Variants in MEIKIN observed in about 807,000 individuals in gnomAD.
MEIKIN encodes meiotic kinetochore factor.
chr5:131,837,335 C>G (rs975388711), intron 11 of MEIKIN, among the ~76,000 whole-genome samples: 1 of 152,112 alleles, frequency 6.6e-6, no homozygotes, highest in African/African-American at 2.4e-5. Flanking sequence ...ACTGCCTTGG[C>G]TATTCAGGAT....
rs1443011081 is a variant in MEIKIN, at chr5:131,849,432, TAAAG to T, written c.975+1828_975+1831del. On this transcript the variant is annotated intron_variant, in intron 11 of 12. Transcript: ENST00000442687. ...AAGAAACCTCTTTTCTTTATATATA[TAAAG>T]AAACCTCTTTTCTTTATATATATAA... Among the ~76,000 whole-genome samples the T allele has an allele frequency of 2.2e-3, 188 of 85,204 alleles. 82 individuals are homozygous for T. The highest frequency in any genetic ancestry group is 7.0e-3 in the African/African-American group (157 of 22,290). 55.9% of individuals were successfully genotyped at this position (85,204 alleles called of 152,430 possible). A position where few individuals can be genotyped will look rare whatever the true frequency, so the allele number is the denominator to read the frequency against.
intron 7 of MEIKIN, among the ~76,000 whole-genome samples, chr5:131,914,153 G>A (rs1248963841): frequency 6.6e-6 from 1 of 152,142 alleles, no homozygotes. Context: ...TCTGCAGAGA[G>A]TCCCCATCAG....
At chr5:131,919,323 T>C (rs1336266337) in intron 6 of MEIKIN, among the ~76,000 whole-genome samples, 1 of 152,140 alleles carries the variant, frequency 6.6e-6, no homozygotes, top group Non-Finnish European at 1.5e-5. Flanking sequence ...TTTGGCAATA[T>C]CCAATAAAAT....
intron 10 of MEIKIN, among the ~76,000 whole-genome samples, chr5:131,852,192 T>C (rs1489842342): frequency 1.3e-5 from 2 of 152,114 alleles, no homozygotes; most frequent in Non-Finnish European, 2.9e-5. Flanking sequence ...AGGGACCCGG[T>C]GTGAGGTGAT....
chr5:131,829,286 G>T lies in MEIKIN; in HGVS notation c.976-10423C>A, dbSNP rs542366455. Among the ~76,000 whole-genome samples the T allele has an allele frequency of 1.4e-4, 21 of 152,268 alleles. 1 individual carries two copies. Among genetic ancestry groups the T allele is most frequent in the Middle Eastern group, 6.8e-3 (2 of 294 alleles). ...ATGAAATAAAAACATTTTCAGTCAT[G>T]AAAAGTCTCAAACAATTTCTATAAC... On this transcript the variant is annotated intron_variant, in intron 11 of 12. Transcript: ENST00000442687.
chr5:131,893,218 T>C (rs967087872), intron 8 of MEIKIN, among the ~76,000 whole-genome samples: 2 of 152,204 alleles, frequency 1.3e-5, no homozygotes, highest in Non-Finnish European at 2.9e-5. Flanking sequence ...GCAGGCCTCC[T>C]TGAGCTGTGG....
intron 8 of MEIKIN, among the ~76,000 whole-genome samples, chr5:131,907,032 C>T (rs1242544905): frequency 6.6e-6 from 1 of 151,912 alleles, no homozygotes; most frequent in Non-Finnish European, 1.5e-5. Context: ...TAAAAAATAA[C>T]GAGGAATTTT....
At chr5:131,823,681 T>C (rs915599996) in intron 11 of MEIKIN, among the ~76,000 whole-genome samples, 5 of 152,210 alleles carry the variant, frequency 3.3e-5, no homozygotes, top group Middle Eastern at 3.2e-3. Context: ...TTCTCCAGGA[T>C]TGGTCCCTGG....
At chr5:131,841,972 G>C (rs1749922295) in intron 11 of MEIKIN, among the ~76,000 whole-genome samples, 2 of 151,780 alleles carry the variant, frequency 1.3e-5, no homozygotes, top group Non-Finnish European at 2.9e-5. Flanking sequence ...TTTCTTTCAT[G>C]TGAAATCATG....
intron 8 of MEIKIN, among the ~76,000 whole-genome samples, chr5:131,882,269 A>C (rs895661923): frequency 6.6e-6 from 1 of 152,204 alleles, no homozygotes; most frequent in African/African-American, 2.4e-5. Context: ...CCAAAATGAT[A>C]ATTCTAAAAT....
Position 131,807,037 on chromosome 5 carries a change from T to C in MEIKIN, c.*199A>G, listed in dbSNP as rs770722192. On this transcript the variant is annotated 3_prime_UTR_variant, in exon 13 of 13. Coordinates refer to ENST00000442687, the MANE Select transcript of MEIKIN (RefSeq NM_001303622.2). ...TAAATACATATATTTAAGAAGCATA[T>C]GGAATAATTTTTTTTCTTAACTGAT... The C allele has an allele frequency of 2.7e-6, 1 of 375,796 alleles. No individual in the cohort carries two copies. The highest frequency in any genetic ancestry group is 4.7e-6 in the Non-Finnish European group (1 of 212,756). 23.3% of individuals were successfully genotyped at this position (375,796 alleles called of 1,614,324 possible).
At chr5:131,901,238 G>A (rs1439386879) in intron 8 of MEIKIN, among the ~76,000 whole-genome samples, 1 of 152,134 alleles carries the variant, frequency 6.6e-6, no homozygotes, top group Non-Finnish European at 1.5e-5. Flanking sequence ...ACTGCCATTG[G>A]CACAAAACTA....
At chr5:131,892,658 G>A (rs553802173) in intron 8 of MEIKIN, among the ~76,000 whole-genome samples, 3 of 152,180 alleles carry the variant, frequency 2.0e-5, no homozygotes, top group South Asian at 2.1e-4. Context: ...CTATTGGTTC[G>A]AACTTCTTCC....
intron 5 of MEIKIN, among the ~76,000 whole-genome samples, chr5:131,930,609 G>A (rs141183852): frequency 1.3e-5 from 2 of 152,026 alleles, no homozygotes; most frequent in Admixed American, 6.5e-5. Flanking sequence ...CTGTTATATT[G>A]CTCTACTGAA....
chr5:131,837,999 G>C (rs1287333648), intron 11 of MEIKIN, among the ~76,000 whole-genome samples: 3 of 152,020 alleles, frequency 2.0e-5, no homozygotes, highest in Non-Finnish European at 4.4e-5. Flanking sequence ...CTGTGGGTTT[G>C]TCTTGGATGT....
rs1490790435 is a variant in MEIKIN, at chr5:131,834,504, C to T, written c.976-15641G>A. Among the ~76,000 whole-genome samples, 7 of 152,180 alleles carry T rather than the reference C, an allele frequency of 4.6e-5. No homozygotes were observed. In the East Asian group the frequency reaches 1.3e-3, roughly 29 times the overall value. ...ATCTCTCCATTTCCCCCAGCCCCAG[C>T]CCCTGTCAACCACCATTCTACTCTC... On this transcript the variant is annotated intron_variant, in intron 11 of 12. Transcript: ENST00000442687.
At chr5:131,900,413 G>A (rs1205959446) in intron 8 of MEIKIN, among the ~76,000 whole-genome samples, 1 of 152,196 alleles carries the variant, frequency 6.6e-6, no homozygotes, top group African/African-American at 2.4e-5. Flanking sequence ...GAAGGGGTGA[G>A]TTGAGCAGGC....
Position 131,916,887 on chromosome 5 carries a change from T to G in MEIKIN, c.637A>C (p.Thr213Pro). The change falls in exon 7 of 13, where the codon ACA becomes CCA. Residue 213 changes from threonine to proline, a missense_variant and splice_region_variant. Thr to Pro is a conservative substitution (Grantham distance 38). Coordinates refer to ENST00000442687, the MANE Select transcript of MEIKIN (RefSeq NM_001303622.2). ...AATTTTAAAATTTTTAGTTCTTACG[T>G]TTTTCTATGGCATTTCTGATAGTCT... Reference protein sequence around the residue: ...SEDYQKCHRKTVMTVADQNVS... With the variant: ...SEDYQKCHRKPVMTVADQNVS... 1 of 397,260 alleles carries G rather than the reference T, an allele frequency of 2.5e-6. No individual in the cohort carries two copies. Among genetic ancestry groups the G allele is most frequent in the Non-Finnish European group, 4.4e-6 (1 of 225,074 alleles). 24.6% of individuals were successfully genotyped at this position (397,260 alleles called of 1,614,324 possible).
chr5:131,896,572 G>A (rs1306945121), intron 8 of MEIKIN, among the ~76,000 whole-genome samples: 4 of 152,094 alleles, frequency 2.6e-5, no homozygotes, highest in African/African-American at 9.7e-5. Context: ...CTCCTGTATT[G>A]GATGCATATA....
Sources: allele counts gnomAD v4.1 joint callset (sites outside exome capture counted in the v4.1 genomes callset), GRCh38; gene constraint gnomAD v4.1.1; transcripts MANE v1.5; gene names NCBI Gene and HGNC (gene_info 2026-07-23, HGNC 2026-07-21).